The following TXNDC11 variants were observed in gnomAD, a reference collection of about 807,000 sequenced individuals.
TXNDC11 encodes thioredoxin domain-containing protein 11.
TXNDC11 carries 68 observed loss-of-function variants against 78.0 expected under a neutral mutation model. That is an observed-to-expected ratio of 0.87 (90% CI 0.72 to 1.07). The LOEUF is 1.07. Among genes scored for constraint, TXNDC11 ranks in the 50% least tolerant of loss-of-function variants. The probability of loss-of-function intolerance (pLI) is 0.00; values close to 1 mark genes in which losing one functional copy is unlikely to be tolerated. For synonymous variants in TXNDC11, 571 were observed against 495.2 expected (o/e 1.15, Z -2.03); for missense variants, 1,389 against 1,221.8 (o/e 1.14, Z -2.04).
At chr16:11,739,515 C>T (rs117704842) in intron 1 of TXNDC11, among the ~76,000 whole-genome samples, 3,103 of 152,130 alleles carry the variant, frequency 0.02, 56 homozygotes, top group Non-Finnish European at 0.031. Context: ...GCACTCCAGC[C>T]GGGGCAACAT....
In TXNDC11 at chr16:11,694,170, C is replaced by T. The variant is rs146125020; in HGVS notation, c.1108-2088G>A. Among the ~76,000 whole-genome samples the T allele has an allele frequency of 1.9e-3, 255 of 135,748 alleles. 1 individual carries two copies. Among genetic ancestry groups the T allele is most frequent in the African/African-American group, 7.0e-3 (238 of 34,028 alleles). The allele number at this position is 135,748 out of a possible 152,430, so 89.1% of individuals were successfully genotyped here. ...TGTTGCCCAGGCCGGAGTACAATGG[C>T]ATGATCTCAGCTCACTGCAACCTCC... On this transcript the variant is annotated intron_variant, in intron 7 of 11. Transcript: ENST00000283033.
At chr16:11,733,275 A>G (rs2052108628) in intron 3 of TXNDC11, among the ~76,000 whole-genome samples, 1 of 151,716 alleles carries the variant, frequency 6.6e-6, no homozygotes, top group Non-Finnish European at 1.5e-5. Context: ...ATAAAATAAA[A>G]TAAGATAAAA....
chr16:11,701,006 G>C (rs548485583), intron 5 of TXNDC11, among the ~76,000 whole-genome samples: 2 of 152,112 alleles, frequency 1.3e-5, no homozygotes, highest in South Asian at 4.1e-4. Flanking sequence ...AGTTTACAAA[G>C]GGAAACTGGG....
intron 7 of TXNDC11, among the ~76,000 whole-genome samples, chr16:11,692,512 G>T (rs908573988): frequency 2.0e-5 from 3 of 152,084 alleles, no homozygotes; most frequent in African/African-American, 7.2e-5. Context: ...AAGTGAAACG[G>T]CAAAAGTCTC....
At chr16:11,722,633 T>A (rs1261614560) in intron 4 of TXNDC11, among the ~76,000 whole-genome samples, 1 of 152,064 alleles carries the variant, frequency 6.6e-6, no homozygotes, top group African/African-American at 2.4e-5. Flanking sequence ...GATGTGGAAA[T>A]AGGAACAATT....
chr16:11,701,186 G>T (rs541436070), intron 5 of TXNDC11, among the ~76,000 whole-genome samples: 1 of 139,600 alleles, frequency 7.2e-6, no homozygotes, highest in African/African-American at 2.7e-5. Context: ...GCCCAGGTTG[G>T]AGTGCAGTGG....
chr16:11,705,914 A>G (rs1245289712), intron 5 of TXNDC11, among the ~76,000 whole-genome samples: 1 of 152,242 alleles, frequency 6.6e-6, no homozygotes, highest in Non-Finnish European at 1.5e-5. Context: ...GTGTTTTCTG[A>G]TAAGCAGAGC....
chr16:11,711,189 A>T (rs527566853), intron 5 of TXNDC11, among the ~76,000 whole-genome samples: 9 of 152,176 alleles, frequency 5.9e-5, no homozygotes, highest in Non-Finnish European at 1.0e-4. Context: ...CACCTGCTGC[A>T]CCTCAGTAGA....
At chr16:11,710,675 C>T (rs1049286858) in intron 5 of TXNDC11, among the ~76,000 whole-genome samples, 1 of 152,172 alleles carries the variant, frequency 6.6e-6, no homozygotes, top group Admixed American at 6.6e-5. Context: ...CATGGCAAAA[C>T]CTCATCTCTA....
At chr16:11,687,127 G>A (rs150521766) in intron 10 of TXNDC11, among the ~76,000 whole-genome samples, 2,388 of 152,112 alleles carry the variant, frequency 0.016, 25 homozygotes, top group Middle Eastern at 0.027. Context: ...TTCACTGCAC[G>A]TATTTCTAGT....
At chr16:11,711,532 A>AC (rs953988584) in intron 5 of TXNDC11, among the ~76,000 whole-genome samples, 1 of 152,144 alleles carries the variant, frequency 6.6e-6, no homozygotes, top group Non-Finnish European at 1.5e-5. Flanking sequence ...TGACAACTAG[A>AC]CTGTCCATCT....
At chr16:11,708,603 A>G (rs934087050) in intron 5 of TXNDC11, among the ~76,000 whole-genome samples, 1 of 152,246 alleles carries the variant, frequency 6.6e-6, no homozygotes, top group Non-Finnish European at 1.5e-5. Flanking sequence ...AAAATGGAAT[A>G]TCGGGTCAAG....
intron 5 of TXNDC11, among the ~76,000 whole-genome samples, chr16:11,717,151 C>A (rs575260129): frequency 6.7e-6 from 1 of 150,236 alleles, no homozygotes; most frequent in Non-Finnish European, 1.5e-5. Flanking sequence ...GAAGGCCAGG[C>A]GCAGTGGCTT....
Position 11,679,305 on chromosome 16 carries a change from T to G in TXNDC11, c.2767A>C (p.Lys923Gln), listed in dbSNP as rs1309676845. Residue 923 changes from lysine to glutamine, a missense_variant, in exon 12 of 12, where the codon AAG becomes CAG. Physicochemically the swap from Lys to Gln is moderately conservative, Grantham distance 53. Transcript: ENST00000283033. This position sits in a 1 kb window ranked among gnomAD's most constrained non-coding sequence, Gnocchi z 4.6. The stretch of plus-strand genomic sequence containing the variant: ...GGGGTGGCTGAGGGCTCAGGCTGCT[T>G]GGGGTGGACCTCTCTCTGGGCCGCC... ...SLAAQREVHP[K>Q]QPEPSATPQL... 1 of 1,612,534 alleles carries G rather than the reference T, an allele frequency of 6.2e-7. No homozygotes were observed. The highest frequency in any genetic ancestry group is 8.5e-7 in the Non-Finnish European group (1 of 1,179,790).
At position 11,698,149 on chromosome 16, in the gene TXNDC11, G is replaced by C; in HGVS notation, c.1083C>G (p.Ala361=). 1.2e-6 allele frequency: 2 copies of C among 1,614,204 alleles called. No individual in the cohort carries two copies. Among genetic ancestry groups the C allele is most frequent in the Non-Finnish European group, 1.7e-6 (2 of 1,180,034 alleles). ...CCTCGTCTATTAAAGGATGACTTTC[G>C]GCCAGGGGATTAAAAGGTATGAACA... ...LFLFIPFNPL[A]ESHPLIDEIT... The change falls in exon 7 of 12, where the codon GCC becomes GCG. Residue 361 remains alanine (A), a synonymous_variant. Transcript: ENST00000283033.
At chr16:11,739,219 G>C (rs1053520203) in intron 1 of TXNDC11, among the ~76,000 whole-genome samples, 6 of 152,174 alleles carry the variant, frequency 3.9e-5, no homozygotes, top group Admixed American at 1.3e-4. Flanking sequence ...AGAAACGCTC[G>C]CCTCTACTCC....
At chr16:11,713,773 G>A (rs534963136) in intron 5 of TXNDC11, among the ~76,000 whole-genome samples, 35 of 152,050 alleles carry the variant, frequency 2.3e-4, no homozygotes, top group African/African-American at 8.0e-4. Context: ...TACCCAGAAG[G>A]GTCTCAATGC....
At chr16:11,716,235 G>C (rs978035546) in intron 5 of TXNDC11, among the ~76,000 whole-genome samples, 8 of 152,152 alleles carry the variant, frequency 5.3e-5, no homozygotes, top group Non-Finnish European at 1.2e-4. Flanking sequence ...ATGAAAAATG[G>C]GGTCAAAATT....
chr16:11,731,456 C>T (rs922113817), intron 3 of TXNDC11, among the ~76,000 whole-genome samples: 3 of 152,194 alleles, frequency 2.0e-5, no homozygotes, highest in Non-Finnish European at 2.9e-5. Context: ...CTAAGCTAAT[C>T]AGAATTCTCA....
Sources: gnomAD v4.1 joint callset for allele counts (sites outside exome capture counted in the v4.1 genomes callset) on GRCh38, gnomAD v4.1.1 for gene constraint, Gnocchi (gnomAD v3.1) non-coding constraint, MANE v1.5 for transcripts, NCBI Gene and HGNC (gene_info 2026-07-23, HGNC 2026-07-21) for gene names.